The following PPP1R16B variants were observed in gnomAD, a reference collection of about 807,000 sequenced individuals.
PPP1R16B encodes the protein protein phosphatase 1 regulatory subunit 16B, also known as protein phosphatase 1 regulatory inhibitor subunit 16B.
Under a neutral mutation model 61.7 loss-of-function variants are expected in PPP1R16B, and 14 were observed. That is an observed-to-expected ratio of 0.23 (90% CI 0.15 to 0.35). PPP1R16B has a LOEUF of 0.35. Ranked by LOEUF, PPP1R16B falls within the 10% of genes least tolerant of loss-of-function variation. The pLI is 1.00. For missense variants in PPP1R16B, 547 were observed against 752.5 expected, an observed-to-expected ratio of 0.73 and a Z score of 3.19; for synonymous variants, 266 against 305.3, an observed-to-expected ratio of 0.87 and a Z score of 1.34.
chr20:38,824,444 G>A (rs1287679533), intron 1 of PPP1R16B, among the ~76,000 whole-genome samples: 1 of 152,198 alleles, frequency 6.6e-6, no homozygotes, highest in African/African-American at 2.4e-5. Flanking sequence ...GTTAAAGATG[G>A]TTATGGTTCC....
chr20:38,859,186 GC>G (rs1751019776), intron 2 of PPP1R16B, among the ~76,000 whole-genome samples: 1 of 152,146 alleles, frequency 6.6e-6, no homozygotes, highest in Non-Finnish European at 1.5e-5. Context: ...GCTACCTGCT[GC>G]GGCATTTTGA....
intron 2 of PPP1R16B, among the ~76,000 whole-genome samples, chr20:38,878,631 CA>C (rs1414822632): frequency 9.2e-5 from 14 of 152,138 alleles, no homozygotes; most frequent in Admixed American, 7.2e-4. Flanking sequence ...CTAATAATAG[CA>C]CCTAAGTCAT....
At chr20:38,838,525 T>C (rs1815063823) in intron 2 of PPP1R16B, 1 of 152,198 alleles carries the variant, frequency 6.6e-6, no homozygotes, top group African/African-American at 2.4e-5. Context: ...GCAGCCTGGG[T>C]GAAAAGAGAG....
intron 2 of PPP1R16B, among the ~76,000 whole-genome samples, chr20:38,848,242 T>A (rs2084947469): frequency 6.6e-6 from 1 of 152,182 alleles, no homozygotes. Context: ...CTTCTAGGGT[T>A]TTTTGGCCTT....
intron 2 of PPP1R16B, chr20:38,838,291 C>T (rs770865623): frequency 2.0e-5 from 3 of 152,442 alleles, no homozygotes; most frequent in Non-Finnish European, 2.9e-5. Context: ...AGCCATGCTT[C>T]CTGGGTCCCT....
intron 2 of PPP1R16B, among the ~76,000 whole-genome samples, chr20:38,881,466 A>G (rs1027371243): frequency 2.6e-5 from 4 of 152,176 alleles, no homozygotes; most frequent in African/African-American, 9.6e-5. Flanking sequence ...AAGAGGGGGA[A>G]ATAAGTCAGT....
chr20:38,883,195 A>G (rs1424477447), intron 2 of PPP1R16B, among the ~76,000 whole-genome samples: 1 of 152,204 alleles, frequency 6.6e-6, no homozygotes, highest in Non-Finnish European at 1.5e-5. Context: ...CAGCTTGCCC[A>G]AGGTCCACCT....
chr20:38,918,567 A>G lies in PPP1R16B; in HGVS notation c.1605A>G (p.Val535=), dbSNP rs780547869. ...TSPYSSNGTS[V]YYTVTSGDPP... is the part of the protein sequence containing the mutation. ...CGTACAGCAGCAATGGGACCTCGGT[A>G]TATTACACGGTCACCAGCGGAGATC... The change falls in exon 11 of 11, where the codon GTA becomes GTG. Residue 535 remains valine (V), a synonymous_variant. Transcript: ENST00000299824. The surrounding 1 kb of genome is among the most constrained non-coding windows in gnomAD (Gnocchi z 5.3). 6 of 1,553,026 alleles carry G rather than the reference A, an allele frequency of 3.9e-6. No homozygotes were observed. Among genetic ancestry groups the G allele is most frequent in the Middle Eastern group, 3.5e-4 (2 of 5,752 alleles).
chr20:38,854,005 G>A (rs950316158), intron 2 of PPP1R16B, among the ~76,000 whole-genome samples: 5 of 152,172 alleles, frequency 3.3e-5, no homozygotes, highest in East Asian at 1.9e-4. Context: ...ACAAGCGCTT[G>A]GGTACTGAAA....
chr20:38,813,496 A>G (rs2084714490), intron 1 of PPP1R16B, among the ~76,000 whole-genome samples: 1 of 152,154 alleles, frequency 6.6e-6, no homozygotes. Context: ...CAGTACATGC[A>G]GGTTAATTGC....
rs374705951 is a variant in PPP1R16B at position 38,907,944 on chromosome 20, G to A, written c.1028+9G>A. The stretch of plus-strand genomic sequence containing the variant: ...AGCGCAGGCAGCCGTGGGTGAGTCC[G>A]GGGCAGGGCAGCCAGGAGTCCCTGT... On this transcript the variant is annotated intron_variant, in intron 9 of 10. Transcript: ENST00000299824. This position sits in a 1 kb window ranked among gnomAD's most constrained non-coding sequence, Gnocchi z 4.5. 1.1e-4 allele frequency: 171 copies of A among 1,613,984 alleles called. No homozygotes were observed. The highest frequency in any genetic ancestry group is 1.2e-4 in the South Asian group (11 of 91,060).
chr20:38,832,420 T>C (rs961230446), intron 1 of PPP1R16B, among the ~76,000 whole-genome samples: 1 of 152,210 alleles, frequency 6.6e-6, no homozygotes, highest in African/African-American at 2.4e-5. Flanking sequence ...GGTCTGACTA[T>C]AATAATGATA....
intron 2 of PPP1R16B, among the ~76,000 whole-genome samples, chr20:38,878,736 A>T (rs2085185314): frequency 6.6e-6 from 1 of 152,166 alleles, no homozygotes; most frequent in Non-Finnish European, 1.5e-5. Flanking sequence ...TAGTCAATGA[A>T]TGTTAGATGC....
chr20:38,895,702 C>T lies in PPP1R16B; in HGVS notation c.459C>T (p.Leu153=), dbSNP rs1482998011. Residue 153 remains leucine, a synonymous_variant, in exon 4 of 11, where the codon CTC becomes CTT. Coordinates refer to ENST00000299824, the MANE Select transcript of PPP1R16B (RefSeq NM_015568.4). ...GCCACATCAACCTGGTGAAGATCCT[C>T]GTTCAGTAGTACGTGCCCCTCCCTG... ...TCGHINLVKI[L]VQYGADLLAV... The T allele has an allele frequency of 1.2e-6, 2 of 1,614,080 alleles. No individual in the cohort carries two copies. The highest frequency in any genetic ancestry group is 1.7e-6 in the Non-Finnish European group (2 of 1,179,972).
At chr20:38,842,065 A>G (rs1431141706) in intron 2 of PPP1R16B, among the ~76,000 whole-genome samples, 1 of 152,224 alleles carries the variant, frequency 6.6e-6, no homozygotes, top group Non-Finnish European at 1.5e-5. Context: ...TACAGATGAG[A>G]AATTTGAAGC....
At position 38,896,424 on chromosome 20, in the gene PPP1R16B, C is replaced by T. The variant is rs1471678392; in HGVS notation, c.467+714C>T. The stretch of plus-strand genomic sequence containing the variant: ...TCTTCATCTCTCTCTCTGCTTCTAC[C>T]TCTCACCCTCTCCTCCCCTCAGTTC... On this transcript the variant is annotated intron_variant, in intron 4 of 10. Coordinates refer to ENST00000299824, the MANE Select transcript of PPP1R16B (RefSeq NM_015568.4). 2.0e-5 allele frequency among the ~76,000 whole-genome samples: 3 copies of T among 151,260 alleles called. No individual in the cohort carries two copies. In the East Asian group the frequency reaches 5.8e-4, roughly 29 times the overall value.
At position 38,918,247 on chromosome 20, in the gene PPP1R16B, C is replaced by T. The variant is rs892129660; in HGVS notation, c.1285C>T (p.Arg429Trp). ...GGACATGCCTGTTGAGAATGGCCTCCGGGCTCCGGTCAGTGCCTACCAGTA... is the reference window on the plus strand; with the variant it reads ...GGACATGCCTGTTGAGAATGGCCTCTGGGCTCCGGTCAGTGCCTACCAGTA... The part of the protein sequence containing the change: ...ELDMPVENGL[R>W]APVSAYQYAL... The change falls in exon 11 of 11, where the codon CGG becomes TGG. Residue 429 changes from arginine to tryptophan, a missense_variant. By Grantham distance (101) the Arg-to-Trp change is moderately radical (BLOSUM62 -3). Coordinates refer to ENST00000299824, the MANE Select transcript of PPP1R16B (RefSeq NM_015568.4). This position sits in a 1 kb window ranked among gnomAD's most constrained non-coding sequence, Gnocchi z 5.3. 8 of 1,614,240 alleles carry T rather than the reference C, an allele frequency of 5.0e-6. No homozygotes were observed. In the East Asian group the frequency reaches 8.9e-5, roughly 18 times the overall value.
intron 2 of PPP1R16B, among the ~76,000 whole-genome samples, chr20:38,849,885 T>A (rs1230324647): frequency 4.6e-5 from 7 of 152,182 alleles, no homozygotes; most frequent in Non-Finnish European, 1.0e-4. Context: ...GCATTTATCT[T>A]GTTGAGTTTT....
chr20:38,845,566 T>A (rs2084931433), intron 2 of PPP1R16B, among the ~76,000 whole-genome samples: 1 of 152,236 alleles, frequency 6.6e-6, no homozygotes, highest in South Asian at 2.1e-4. Context: ...AGGGAGAGCC[T>A]GTCTGAGGAG....
Sources: gnomAD v4.1 joint callset for allele counts (sites outside exome capture counted in the v4.1 genomes callset) on GRCh38, gnomAD v4.1.1 for gene constraint, Gnocchi (gnomAD v3.1) non-coding constraint, MANE v1.5 for transcripts, NCBI Gene and HGNC (gene_info 2026-07-23, HGNC 2026-07-21) for gene names.